The following IL7 variants were observed in gnomAD, a reference collection of about 807,000 sequenced individuals.
The protein encoded by IL7 is interleukin 7.
IL7 carries 3 observed loss-of-function variants against 21.6 expected under a neutral mutation model. The observed-to-expected ratio is 0.14, with a 90% confidence interval of 0.06 to 0.36. The LOEUF (loss-of-function observed/expected upper bound fraction) is 0.36. Ranked by LOEUF, IL7 falls within the 10% of genes least tolerant of loss-of-function variation. The probability of loss-of-function intolerance (pLI) is 1.00; values close to 1 mark genes in which losing one functional copy is unlikely to be tolerated. For synonymous variants in IL7, 62 were observed against 68.1 expected, an observed-to-expected ratio of 0.91 and a Z score of 0.44; for missense variants, 175 against 200.2, an observed-to-expected ratio of 0.87 and a Z score of 0.76.
rs2130730334 is a variant in IL7, at chr8:78,750,212, C to T, written c.148-10130G>A. ...TAGTTTTTCACATGTTGGAAGGCTG[C>T]CCTGTACCACCTAAGGAGGGGAAAA... On this transcript the variant is annotated intron_variant, in intron 2 of 5. Transcript: ENST00000263851. 1.3e-5 allele frequency among the ~76,000 whole-genome samples: 2 copies of T among 152,004 alleles called. 1 individual carries two copies. Among genetic ancestry groups the T allele is most frequent in the South Asian group, 4.2e-4 (2 of 4,808 alleles).
intron 3 of IL7, among the ~76,000 whole-genome samples, chr8:78,693,346 C>A (rs1370347874): frequency 6.6e-6 from 1 of 151,840 alleles, no homozygotes; most frequent in African/African-American, 2.4e-5. Flanking sequence ...ACAGTCCCAC[C>A]AACAGTGTAA....
chr8:78,785,513 G>C (rs1378526292), intron 2 of IL7, among the ~76,000 whole-genome samples: 1 of 151,960 alleles, frequency 6.6e-6, no homozygotes, highest in Non-Finnish European at 1.5e-5. Flanking sequence ...GTATTTCCTT[G>C]GTTGTATAAT....
chr8:78,799,706 A>G (rs555020717), intron 1 of IL7, among the ~76,000 whole-genome samples: 32 of 152,138 alleles, frequency 2.1e-4, no homozygotes, highest in Non-Finnish European at 2.9e-5. Flanking sequence ...TCTTTCTGTA[A>G]CACATACATA....
chr8:78,763,844 C>T (rs1024027960), intron 2 of IL7, among the ~76,000 whole-genome samples: 5 of 152,012 alleles, frequency 3.3e-5, no homozygotes. Flanking sequence ...CAGCATTACC[C>T]TAATATCAAA....
chr8:78,802,509 C>A (rs1044986379), intron 1 of IL7, among the ~76,000 whole-genome samples: 3 of 151,706 alleles, frequency 2.0e-5, no homozygotes, highest in Non-Finnish European at 4.4e-5. Flanking sequence ...CGGCTCACTG[C>A]AACCTCAGCC....
At chr8:78,801,099 A>G (rs1015738192) in intron 1 of IL7, among the ~76,000 whole-genome samples, 3 of 152,206 alleles carry the variant, frequency 2.0e-5, no homozygotes, top group African/African-American at 7.2e-5. Flanking sequence ...ATTTTAAAAC[A>G]TAATTTGCCT....
chr8:78,750,737 T>A (rs1812139592), intron 2 of IL7, among the ~76,000 whole-genome samples: 1 of 152,108 alleles, frequency 6.6e-6, no homozygotes, highest in Non-Finnish European at 1.5e-5. Flanking sequence ...GGCAGGAGAA[T>A]GGCGTGAACC....
intron 2 of IL7, chr8:78,746,929 T>C (rs1811997799): frequency 1.2e-5 from 5 of 403,604 alleles, no homozygotes; most frequent in Non-Finnish European, 2.4e-5. Flanking sequence ...GACAGTTTTC[T>C]TCTGAATTTT....
At chr8:78,779,442 A>G (rs1046268897) in intron 2 of IL7, among the ~76,000 whole-genome samples, 3 of 152,150 alleles carry the variant, frequency 2.0e-5, no homozygotes, top group Non-Finnish European at 4.4e-5. Context: ...AGTTTTTAAC[A>G]TGGGGGGATG....
At chr8:78,735,817 A>G (rs1462708474) in intron 5 of IL7, among the ~76,000 whole-genome samples, 2 of 152,190 alleles carry the variant, frequency 1.3e-5, no homozygotes, top group Non-Finnish European at 2.9e-5. Context: ...TAATGGAAAT[A>G]TAAAAGAAGA....
At chr8:78,803,147 A>G (rs1814145869) in intron 1 of IL7, among the ~76,000 whole-genome samples, 1 of 152,134 alleles carries the variant, frequency 6.6e-6, no homozygotes, top group Non-Finnish European at 1.5e-5. Flanking sequence ...ATGCTTGTTC[A>G]GGGTTTCTAA....
chr8:78,697,719 C>G (rs1264307716), intron 3 of IL7, among the ~76,000 whole-genome samples: 1 of 148,870 alleles, frequency 6.7e-6, no homozygotes, highest in African/African-American at 2.5e-5. Context: ...TGCTCTGTTG[C>G]CCAGGTTTGA....
chr8:78,733,832 C>T lies in IL7; in HGVS notation c.415G>A (p.Glu139Lys). The T allele has an allele frequency of 6.6e-7, 1 of 1,523,248 alleles. No individual in the cohort carries two copies. Among genetic ancestry groups the T allele is most frequent in the South Asian group, 1.3e-5 (1 of 78,502 alleles). 94.4% of individuals were successfully genotyped at this position (1,523,248 alleles called of 1,614,324 possible). ...LGEAQPTKSLEENKSLKEQKK... is the reference protein window; with the variant it reads ...LGEAQPTKSLKENKSLKEQKK... ...TGTTCCTTTAAAGATTTATTTTCTT[C>T]CTAGAGAATAGAGTTTTAAAAGTTT... Residue 139 changes from glutamate to lysine, a missense_variant and splice_region_variant, in exon 6 of 6, where the codon GAA becomes AAA. By Grantham distance (56) the Glu-to-Lys change is moderately conservative. Transcript: ENST00000263851.
chr8:78,779,460 T>G (rs1450284366), intron 2 of IL7, among the ~76,000 whole-genome samples: 1 of 152,192 alleles, frequency 6.6e-6, no homozygotes, highest in African/African-American at 2.4e-5. Context: ...ATGTTGAATT[T>G]TATCAAAGGC....
chr8:78,682,972 C>A (rs1449162642), intron 4 of IL7, among the ~76,000 whole-genome samples: 1 of 152,246 alleles, frequency 6.6e-6, no homozygotes. Flanking sequence ...CCTTAAAGCT[C>A]TGAAACGATC....
rs547864451 is a variant in IL7, at chr8:78,778,268, C to G, written c.147+19804G>C. ...TTGCATGGAAAGGCAGGATTCGAAG[C>G]TTTGACTCAAATAGTCCTCTCTGAT... is the stretch of plus-strand genomic sequence containing the variant. On this transcript the variant is annotated intron_variant, in intron 2 of 5. Transcript: ENST00000263851. 1.1e-3 allele frequency among the ~76,000 whole-genome samples: 172 copies of G among 152,162 alleles called. 1 individual carries two copies. Among genetic ancestry groups the G allele is most frequent in the Non-Finnish European group, 2.1e-3 (141 of 67,962 alleles).
chr8:78,707,855 CT>C (rs34584205), intron 3 of IL7, among the ~76,000 whole-genome samples: 102,103 of 143,348 alleles, frequency 0.71, 36,250 homozygotes, highest in East Asian at 0.9. Flanking sequence ...CTTTTTTTTT[CT>C]TTTTTTTTTT....
intron 2 of IL7, among the ~76,000 whole-genome samples, chr8:78,766,667 G>A (rs575999546): frequency 2.7e-4 from 41 of 152,132 alleles, no homozygotes; most frequent in South Asian, 8.3e-4. Flanking sequence ...TTATAACTGC[G>A]TAATATTCCA....
chr8:78,689,177 T>A (rs770704036), intron 3 of IL7: 5 of 1,346,404 alleles, frequency 3.7e-6, no homozygotes, highest in Non-Finnish European at 3.9e-6. Flanking sequence ...AATGTCCGTT[T>A]CAAGTACTAT....
Sources: allele counts gnomAD v4.1 joint callset (sites outside exome capture counted in the v4.1 genomes callset), GRCh38; gene constraint gnomAD v4.1.1; transcripts MANE v1.5; gene names NCBI Gene and HGNC (gene_info 2026-07-23, HGNC 2026-07-21).